Variants in CUX1 observed in about 807,000 individuals in gnomAD.
CUX1 encodes protein CASP.
In CUX1, 31 loss-of-function variants were observed where a neutral mutation model predicts 158.8. That is an observed-to-expected ratio of 0.20 (90% CI 0.15 to 0.26). CUX1 has a LOEUF of 0.26. CUX1 is among the 10% of genes least tolerant of loss of function. The pLI, the probability that CUX1 is intolerant of heterozygous loss-of-function variation, is 1.00. For synonymous variants in CUX1, 879 were observed against 862.1 expected (o/e 1.02, Z -0.34); for missense variants, 1,589 against 2,014.6 (o/e 0.79, Z 4.04).
chr7:102,197,386 CTG>C lies in CUX1; in HGVS notation c.1894+86_1894+87del, dbSNP rs1586165871. On this transcript the variant is annotated intron_variant, in intron 15 of 23. Transcript: ENST00000292535. ...TGTGTGTGTGCATGCGTGCGTGTGT[CTG>C]TGTGCGTGATGAAACATTTGTGCAT... The C allele has an allele frequency of 9.0e-6, 13 of 1,443,034 alleles. No homozygotes were observed. In the Admixed American group the frequency reaches 1.4e-4, roughly 16 times the overall value. 89.4% of individuals were successfully genotyped at this position (1,443,034 alleles called of 1,614,324 possible).
chr7:102,182,735 C>T (rs1793228747), intron 11 of CUX1, among the ~76,000 whole-genome samples: 1 of 152,168 alleles, frequency 6.6e-6, no homozygotes, highest in Admixed American at 6.5e-5. Flanking sequence ...TTTGATAACT[C>T]TCTATTCTGT....
At chr7:102,027,289 C>T (rs1485889610) in intron 2 of CUX1, among the ~76,000 whole-genome samples, 1 of 152,104 alleles carries the variant, frequency 6.6e-6, no homozygotes, top group African/African-American at 2.4e-5. Flanking sequence ...GAGAGAATCA[C>T]TCAAACCCAG....
intron 21 of CUX1, chr7:102,282,646 C>T: frequency 6.4e-7 from 1 of 1,553,138 alleles, no homozygotes; most frequent in Non-Finnish European, 8.8e-7. Flanking sequence ...GGCCCAGGGG[C>T]CATGGGTGGG....
exon 19 of CUX1, chr7:102,280,044 G>T: frequency 1.2e-6 from 2 of 1,605,630 alleles, no homozygotes; most frequent in Non-Finnish European, 8.5e-7. Flanking sequence ...CAGGGCAGCG[G>T]CAGTGATGAC....
chr7:102,120,986 C>G (rs1334602808), intron 8 of CUX1, among the ~76,000 whole-genome samples: 2 of 152,102 alleles, frequency 1.3e-5, no homozygotes, highest in Non-Finnish European at 2.9e-5. Flanking sequence ...TCGCTTGAGC[C>G]TGGAAGTTCC....
chr7:102,168,085 T>TAAA (rs782348372), intron 9 of CUX1, among the ~76,000 whole-genome samples: 1 of 129,098 alleles, frequency 7.7e-6, no homozygotes, highest in African/African-American at 2.9e-5. Context: ...CTCAGGAAAT[T>TAAA]AAAAAAAAAA....
Position 101,916,581 on chromosome 7 carries a change from A to G in CUX1, c.141+356A>G, listed in dbSNP as rs1040284481. ...GTCAGTTAGCAAGCCACCAAAGTCCATAAGGGATCCTGTGGGGTGGAAGGT... is the reference window on the plus strand; with the variant it reads ...GTCAGTTAGCAAGCCACCAAAGTCCGTAAGGGATCCTGTGGGGTGGAAGGT... On this transcript the variant is annotated intron_variant, in intron 2 of 23. Coordinates refer to ENST00000292535, the MANE Select transcript of CUX1 (RefSeq NM_181552.4). The surrounding 1 kb of genome is among the most constrained non-coding windows in gnomAD (Gnocchi z 4.4). 3.6e-5 allele frequency: 9 copies of G among 246,638 alleles called. No individual in the cohort carries two copies. The highest frequency in any genetic ancestry group is 1.5e-4 in the African/African-American group (7 of 45,334). The allele number at this position is 246,638 out of a possible 1,614,324, so 15.3% of individuals were successfully genotyped here.
intron 7 of CUX1, among the ~76,000 whole-genome samples, chr7:102,112,695 C>T (rs1831061402): frequency 6.6e-6 from 1 of 151,894 alleles, no homozygotes; most frequent in Admixed American, 6.6e-5. Context: ...CTCAGCCTCC[C>T]CAGTAGGTCG....
At chr7:102,187,525 G>T (rs139684778) in intron 11 of CUX1, among the ~76,000 whole-genome samples, 39 of 152,242 alleles carry the variant, frequency 2.6e-4, no homozygotes, top group African/African-American at 9.4e-4. Flanking sequence ...GGCTCAGGCT[G>T]TCGGCCTTCT....
chr7:101,988,218 AAAAG>A (rs1313325907), intron 2 of CUX1, among the ~76,000 whole-genome samples: 1 of 151,822 alleles, frequency 6.6e-6, no homozygotes, highest in Non-Finnish European at 1.5e-5. Flanking sequence ...TTCAAAAAAA[AAAAG>A]AAGAAGAAGC....
At chr7:102,090,264 GT>G (rs1202891854) in intron 4 of CUX1, among the ~76,000 whole-genome samples, 2 of 151,904 alleles carry the variant, frequency 1.3e-5, no homozygotes, top group African/African-American at 2.4e-5. Context: ...GAATCAGAGT[GT>G]TTTGGATTTG....
At chr7:101,864,680 A>G (rs1285667301) in intron 1 of CUX1, among the ~76,000 whole-genome samples, 1 of 152,080 alleles carries the variant, frequency 6.6e-6, no homozygotes, top group African/African-American at 2.4e-5. Flanking sequence ...CCTCCCGAGT[A>G]GCTGGGACTA....
chr7:102,270,660 C>CA (rs2132789639), intron 14 of CUX1, among the ~76,000 whole-genome samples: 1 of 152,360 alleles, frequency 6.6e-6, no homozygotes, highest in South Asian at 2.1e-4. Context: ...TGGCCTCCCC[C>CA]AACCACTCAG....
intron 9 of CUX1, among the ~76,000 whole-genome samples, chr7:102,168,859 C>T (rs1373880191): frequency 1.3e-5 from 2 of 151,162 alleles, no homozygotes; most frequent in Non-Finnish European, 2.9e-5. Context: ...ATAAAACACA[C>T]GATGGAGACG....
intron 3 of CUX1, among the ~76,000 whole-genome samples, chr7:102,053,252 T>C (rs1823743220): frequency 6.6e-6 from 1 of 152,232 alleles, no homozygotes; most frequent in Admixed American, 6.5e-5. Context: ...TGGAGAAACA[T>C]CTATTCATAT....
chr7:102,080,356 C>T (rs1827238678), intron 4 of CUX1, among the ~76,000 whole-genome samples: 1 of 152,136 alleles, frequency 6.6e-6, no homozygotes, highest in Non-Finnish European at 1.5e-5. Context: ...TGCTAATTGC[C>T]GTATGACTAA....
chr7:102,127,454 C>T (rs118117695), intron 8 of CUX1, among the ~76,000 whole-genome samples: 12,546 of 152,258 alleles, frequency 0.082, 688 homozygotes, highest in African/African-American at 0.14. Flanking sequence ...ATCCTCCCAC[C>T]TTGGCCTCCC....
At chr7:102,235,959 G>A (rs914928736) in intron 22 of CUX1, among the ~76,000 whole-genome samples, 3 of 151,992 alleles carry the variant, frequency 2.0e-5, no homozygotes, top group African/African-American at 7.2e-5. Flanking sequence ...AACCCTATGG[G>A]GGTTCCTTTA....
At chr7:101,850,644 A>G (rs1796182855) in intron 1 of CUX1, among the ~76,000 whole-genome samples, 1 of 151,880 alleles carries the variant, frequency 6.6e-6, no homozygotes, top group South Asian at 2.1e-4. Context: ...CCTCCCAAAA[A>G]GCTGGGATTA....
Sources: allele counts gnomAD v4.1 joint callset (sites outside exome capture counted in the v4.1 genomes callset), GRCh38; gene constraint gnomAD v4.1.1; non-coding constraint Gnocchi (gnomAD v3.1); transcripts MANE v1.5; gene names NCBI Gene and HGNC (gene_info 2026-07-23, HGNC 2026-07-21).